Variants in ACTR3C observed in about 807,000 individuals in gnomAD.
ACTR3C encodes actin related protein 3C, also known as actin-related protein 3C.
In ACTR3C, 18 loss-of-function variants were observed where a neutral mutation model predicts 26.3. The ratio of observed to expected loss-of-function variants is 0.68; its 90% confidence interval spans 0.47 to 1.01. The LOEUF is 1.01. ACTR3C is among the 50% of genes least tolerant of loss of function. The pLI is 0.00. For missense variants in ACTR3C, 184 were observed against 250.7 expected (o/e 0.73, Z 1.80); for synonymous variants, 55 against 94.5 (o/e 0.58, Z 2.42).
the ACTR3C span, among the ~76,000 whole-genome samples, chr7:150,096,947 C>G: frequency 6.6e-6 from 1 of 152,202 alleles, no homozygotes; most frequent in Non-Finnish European, 1.5e-5. Context: ...AAAAGATGCC[C>G]CTGGCAAGGC....
At chr7:150,190,241 T>C in the ACTR3C span, among the ~76,000 whole-genome samples, 6 of 152,224 alleles carry the variant, frequency 3.9e-5, no homozygotes, top group Admixed American at 1.3e-4. Context: ...TGTTTCCTCA[T>C]TGTTGACTGG....
the ACTR3C span, among the ~76,000 whole-genome samples, chr7:150,157,936 G>A: frequency 6.6e-6 from 1 of 152,152 alleles, no homozygotes; most frequent in South Asian, 2.1e-4. Context: ...AAACTTTAAG[G>A]CACTAGAAAG....
chr7:150,070,439 G>C, the ACTR3C span, among the ~76,000 whole-genome samples: 1 of 152,142 alleles, frequency 6.6e-6, no homozygotes, highest in Non-Finnish European at 1.5e-5. Flanking sequence ...AATAGCCAGG[G>C]GCCAAAATTG....
the ACTR3C span, among the ~76,000 whole-genome samples, chr7:149,968,458 A>G: frequency 0.028 from 4,334 of 152,252 alleles, 195 homozygotes; most frequent in African/African-American, 0.099. Flanking sequence ...GCGTGAACCC[A>G]GGAGGCGGAG....
At position 150,290,282 on chromosome 7, in the gene ACTR3C, A is replaced by C. The variant is rs186096825; in HGVS notation, c.154-689T>G. Among the ~76,000 whole-genome samples the C allele has an allele frequency of 2.7e-4, 41 of 152,320 alleles. No individual in the cohort carries two copies. In the South Asian group the frequency reaches 7.1e-3, roughly 26 times the overall value. On this transcript the variant is annotated intron_variant, in intron 3 of 7. Transcript: ENST00000683684. The stretch of plus-strand genomic sequence containing the variant: ...GGGCCAGGAAAGGAGGGTGACCACG[A>C]CCTGGGCCGATCAATGGCAGGGCCA...
the ACTR3C span, among the ~76,000 whole-genome samples, chr7:150,209,722 TACACACACAC>T: frequency 7.2e-3 from 927 of 129,304 alleles, 11 homozygotes; most frequent in African/African-American, 0.02. Context: ...CTACTAAAAA[TACACACACAC>T]ACACACACAC....
chr7:150,219,484 C>T, the ACTR3C span, among the ~76,000 whole-genome samples: 1 of 144,590 alleles, frequency 6.9e-6, no homozygotes, highest in Non-Finnish European at 1.5e-5. Context: ...GGAATTTCCT[C>T]GCTAATTCAT....
At chr7:149,928,261 G>A in the ACTR3C span, among the ~76,000 whole-genome samples, 1,599 of 148,862 alleles carry the variant, frequency 0.011, 31 homozygotes, top group African/African-American at 0.037. Context: ...GCAGTGGCGC[G>A]ATCTCAGCTC....
At chr7:150,096,925 A>G in the ACTR3C span, among the ~76,000 whole-genome samples, 1 of 152,150 alleles carries the variant, frequency 6.6e-6, no homozygotes, top group Non-Finnish European at 1.5e-5. Flanking sequence ...TGCATGGAGC[A>G]GCCCTGCTCA....
At chr7:149,974,893 G>A in the ACTR3C span, among the ~76,000 whole-genome samples, 3 of 152,154 alleles carry the variant, frequency 2.0e-5, no homozygotes, top group Non-Finnish European at 1.5e-5. Context: ...CTAGGATGAT[G>A]TGACACTTTA....
the ACTR3C span, among the ~76,000 whole-genome samples, chr7:150,123,367 G>T: frequency 1.3e-5 from 2 of 152,208 alleles, no homozygotes; most frequent in East Asian, 3.9e-4. Flanking sequence ...TATAATAAAT[G>T]TGATATAATA....
chr7:150,233,072 C>T, the ACTR3C span, among the ~76,000 whole-genome samples: 9 of 152,188 alleles, frequency 5.9e-5, no homozygotes, highest in South Asian at 2.1e-4. Context: ...TCCTTTGTTA[C>T]GCAGATTTGA....
the ACTR3C span, among the ~76,000 whole-genome samples, chr7:149,889,018 T>TA: frequency 6.7e-6 from 1 of 148,196 alleles, no homozygotes; most frequent in African/African-American, 2.5e-5. Flanking sequence ...GAAAAAAAAA[T>TA]AAAAAATAAT....
chr7:149,957,376 T>C, the ACTR3C span, among the ~76,000 whole-genome samples: 1 of 152,132 alleles, frequency 6.6e-6, no homozygotes, highest in Non-Finnish European at 1.5e-5. Flanking sequence ...AAGCATTATT[T>C]TGGGTGTGTC....
chr7:150,235,552 T>A, the ACTR3C span, among the ~76,000 whole-genome samples: 1 of 152,216 alleles, frequency 6.6e-6, no homozygotes, highest in African/African-American at 2.4e-5. Flanking sequence ...TCTGGACAAG[T>A]CTAAACTTTC....
At chr7:150,113,206 A>G in the ACTR3C span, among the ~76,000 whole-genome samples, 2 of 151,484 alleles carry the variant, frequency 1.3e-5, no homozygotes, top group East Asian at 3.9e-4. Flanking sequence ...TCCCCGTCCA[A>G]CGGAAATGGA....
chr7:149,905,529 CA>C, the ACTR3C span, among the ~76,000 whole-genome samples: 1 of 150,162 alleles, frequency 6.7e-6, no homozygotes, highest in Non-Finnish European at 1.5e-5. Flanking sequence ...ATTACTATAT[CA>C]AAATTTTAAA....
At chr7:150,153,694 A>G in the ACTR3C span, among the ~76,000 whole-genome samples, 1 of 94,738 alleles carries the variant, frequency 1.1e-5, no homozygotes, top group East Asian at 3.8e-4. Context: ...AACTAGAAAT[A>G]CCATTTGACC....
the ACTR3C span, among the ~76,000 whole-genome samples, chr7:150,025,242 A>T: frequency 4.6e-5 from 7 of 151,552 alleles, no homozygotes; most frequent in East Asian, 1.2e-3. Flanking sequence ...GCCTCATTGC[A>T]CTTTTGCAAT....
Sources: gnomAD v4.1 joint callset for allele counts (sites outside exome capture counted in the v4.1 genomes callset) on GRCh38, gnomAD v4.1.1 for gene constraint, MANE v1.5 for transcripts, NCBI Gene and HGNC (gene_info 2026-07-23, HGNC 2026-07-21) for gene names.